Variants in CD200 observed in about 807,000 individuals in gnomAD.
The protein encoded by CD200 is OX-2 membrane glycoprotein.
A neutral mutation model predicts 30.9 loss-of-function variants in CD200; 15 were observed. That is an observed-to-expected ratio of 0.49 (90% confidence interval 0.32 to 0.75). The LOEUF (loss-of-function observed/expected upper bound fraction) is 0.75, where lower values mean the gene tolerates loss of function less well. CD200 is among the 30% of genes least tolerant of loss of function. The pLI is 0.03. For synonymous variants in CD200, 134 were observed against 126.2 expected (o/e 1.06, Z -0.41); for missense variants, 262 against 324.2 (o/e 0.81, Z 1.47).
At position 112,356,569 on chromosome 3, in the gene CD200, C is replaced by T. The variant is rs149293621; in HGVS notation, c.803-4974C>T. Among the ~76,000 whole-genome samples, 9 of 152,198 alleles carry T rather than the reference C, an allele frequency of 5.9e-5. No individual in the cohort carries two copies. The East Asian group carries it at 1.3e-3, about 23-fold the overall frequency. ...TATTAACCGTAGTCACCATGTTGTA[C>T]AATAGATCTCTTGAAGTTATTACTC... is the stretch of plus-strand genomic sequence containing the variant. On this transcript the variant is annotated intron_variant, in intron 5 of 5. Transcript: ENST00000315711.
intron 5 of CD200, among the ~76,000 whole-genome samples, chr3:112,350,728 G>T (rs901240473): frequency 4.6e-5 from 7 of 152,318 alleles, no homozygotes; most frequent in African/African-American, 1.7e-4. Flanking sequence ...AAGAAAAATA[G>T]TTGGCTTTGA....
intron 5 of CD200, among the ~76,000 whole-genome samples, chr3:112,352,555 GA>G (rs1302795417): frequency 2.8e-4 from 43 of 152,084 alleles, no homozygotes; most frequent in African/African-American, 9.7e-4. Flanking sequence ...GAGAGAGAGA[GA>G]GAGAGAGAGA....
At chr3:112,341,914 A>G (rs1172101010) in intron 2 of CD200, among the ~76,000 whole-genome samples, 1 of 152,184 alleles carries the variant, frequency 6.6e-6, no homozygotes, top group Non-Finnish European at 1.5e-5. Flanking sequence ...CACATCTTCC[A>G]AGAGTATACA....
chr3:112,341,906 C>T lies in CD200; in HGVS notation c.94+923C>T, dbSNP rs563450627. Among the ~76,000 whole-genome samples, 7 of 152,316 alleles carry T rather than the reference C, an allele frequency of 4.6e-5. No individual in the cohort carries two copies. The Middle Eastern group carries it at 0.01, about 222-fold the overall frequency. On this transcript the variant is annotated intron_variant, in intron 2 of 5. Transcript: ENST00000315711. ...ACAGATAGTTTCCCAGAACTTTTCA[C>T]ATCTTCCAAGAGTATACATCATTTA...
At chr3:112,356,412 T>C (rs1374681664) in intron 5 of CD200, among the ~76,000 whole-genome samples, 1 of 152,222 alleles carries the variant, frequency 6.6e-6, no homozygotes, top group African/African-American at 2.4e-5. Context: ...ATGATATTTC[T>C]ATATATGTAT....
rs200725502 is a variant in CD200 at position 112,342,031 on chromosome 3, C to CT, written c.94+1057dup. On this transcript the variant is annotated intron_variant, in intron 2 of 5. Transcript: ENST00000315711. The stretch of plus-strand genomic sequence containing the variant: ...GGGAGTTGCTTGTTTACTCAGCCTT[C>CT]TTTTTTTTTCTACTTATACTTGTCA... Among the ~76,000 whole-genome samples the CT allele has an allele frequency of 1.2e-3, 177 of 151,436 alleles. 2 individuals are homozygous for CT. The East Asian group carries it at 0.017, about 15-fold the overall frequency.
intron 1 of CD200, chr3:112,334,032 C>T (rs2081057992): frequency 1.0e-6 from 1 of 985,174 alleles, no homozygotes; most frequent in African/African-American, 1.7e-5. Context: ...GTTGGCAAGA[C>T]CACATAGCCA....
At chr3:112,357,321 C>T (rs375584650) in intron 5 of CD200, among the ~76,000 whole-genome samples, 3 of 150,588 alleles carry the variant, frequency 2.0e-5, no homozygotes, top group Admixed American at 1.3e-4. Flanking sequence ...ACGAATGATA[C>T]GCTGGAACAC....
rs2081757969 is a variant in CD200 at position 112,362,467 on chromosome 3, T to C, written c.*917T>C. The C allele has an allele frequency of 6.6e-6, 1 of 152,660 alleles. No individual in the cohort carries two copies. The highest frequency in any genetic ancestry group is 2.4e-5 in the African/African-American group (1 of 41,460). The allele number at this position is 152,660 out of a possible 1,614,324, so 9.5% of individuals were successfully genotyped here. On this transcript the variant is annotated 3_prime_UTR_variant, in exon 6 of 6. Transcript: ENST00000315711. Reference sequence around the variant, plus strand: ...GTTTAGGAGATTTCCTGTATAGCAGTCAGCCAATTCATATGCTTTGTCTCT... The same window carrying C: ...GTTTAGGAGATTTCCTGTATAGCAGCCAGCCAATTCATATGCTTTGTCTCT...
intron 5 of CD200, among the ~76,000 whole-genome samples, chr3:112,360,904 C>T (rs1157328297): frequency 6.6e-6 from 1 of 152,214 alleles, no homozygotes; most frequent in Admixed American, 6.5e-5. Context: ...AAATAGAATA[C>T]ATTTTGATCA....
intron 2 of CD200, among the ~76,000 whole-genome samples, chr3:112,343,022 T>G (rs1343542788): frequency 6.6e-6 from 1 of 152,096 alleles, no homozygotes. Flanking sequence ...GATATCTTTA[T>G]TCATTTAGTA....
intron 2 of CD200, among the ~76,000 whole-genome samples, chr3:112,343,643 A>G (rs563603349): frequency 6.6e-6 from 1 of 152,040 alleles, no homozygotes; most frequent in South Asian, 2.1e-4. Flanking sequence ...TCCTTTAACA[A>G]TTGTTTAAAT....
intron 4 of CD200, 110 bp from the exon 5 acceptor site, chr3:112,349,602 C>A: frequency 2.8e-6 from 2 of 701,860 alleles, no homozygotes; most frequent in Non-Finnish European, 4.5e-6. Context: ...ACGTATAAAC[C>A]TACATATGTA....
intron 1 of CD200, among the ~76,000 whole-genome samples, chr3:112,339,705 C>CA (rs1408548741): frequency 1.5e-4 from 23 of 152,230 alleles, no homozygotes; most frequent in African/African-American, 5.5e-4. Flanking sequence ...GGAATTTAGG[C>CA]AGAAAGCCTT....
intron 1 of CD200, among the ~76,000 whole-genome samples, chr3:112,337,418 G>A (rs2081142155): frequency 6.6e-6 from 1 of 152,140 alleles, no homozygotes; most frequent in Non-Finnish European, 1.5e-5. Flanking sequence ...AAATACCAAG[G>A]CGGGAAATTG....
At chr3:112,335,327 A>G (rs1013091375) in intron 1 of CD200, among the ~76,000 whole-genome samples, 5 of 152,234 alleles carry the variant, frequency 3.3e-5, no homozygotes, top group African/African-American at 9.6e-5. Context: ...CTCAAAGAGC[A>G]GTGACTATGT....
chr3:112,333,345 G>T, intron 1 of CD200, 121 bp downstream of exon 1: 1 of 1,455,396 alleles, frequency 6.9e-7, no homozygotes, highest in Non-Finnish European at 9.0e-7. Context: ...CTGGTCCGGG[G>T]ACTAGATCAG....
In CD200 at chr3:112,361,700, T is replaced by G; in HGVS notation, c.*150T>G. ...CCTTAAGGATCCCACGACTTTTTACTGCCATCTGAGCTACTCAGTGTTTGA... is the reference window on the plus strand; with the variant it reads ...CCTTAAGGATCCCACGACTTTTTACGGCCATCTGAGCTACTCAGTGTTTGA... On this transcript the variant is annotated 3_prime_UTR_variant, in exon 6 of 6. Transcript: ENST00000315711. The G allele has an allele frequency of 1.3e-6, 1 of 753,288 alleles. No individual in the cohort carries two copies. The highest frequency in any genetic ancestry group is 1.5e-5 in the South Asian group (1 of 65,762). 46.7% of individuals were successfully genotyped at this position (753,288 alleles called of 1,614,324 possible).
chr3:112,356,467 C>T (rs1184322340), intron 5 of CD200, among the ~76,000 whole-genome samples: 1 of 152,064 alleles, frequency 6.6e-6, no homozygotes, highest in Admixed American at 6.5e-5. Context: ...TGTGCATTGC[C>T]TCACATACTT....
Sources: gnomAD v4.1 joint callset for allele counts (sites outside exome capture counted in the v4.1 genomes callset) on GRCh38, gnomAD v4.1.1 for gene constraint, MANE v1.5 for transcripts, NCBI Gene and HGNC (gene_info 2026-07-23, HGNC 2026-07-21) for gene names.